Variants in DENND1B observed in about 807,000 individuals in gnomAD.
DENND1B encodes the protein DENN domain containing 1B, also known as DENN domain-containing protein 1B.
DENND1B carries 59 observed loss-of-function variants against 90.1 expected under a neutral mutation model. The ratio of observed to expected loss-of-function variants is 0.65; its 90% CI spans 0.53 to 0.81. The LOEUF (loss-of-function observed/expected upper bound fraction) is 0.81. Among genes scored for constraint, DENND1B ranks in the 40% least tolerant of loss-of-function variants. DENND1B has a pLI of 0.00. For synonymous variants in DENND1B, 337 were observed against 324.6 expected, an observed-to-expected ratio of 1.04 and a Z score of -0.41; for missense variants, 862 against 912.6, an observed-to-expected ratio of 0.94 and a Z score of 0.71.
At chr1:197,770,717 TATATCTATAA>T (rs1267559456) in intron 2 of DENND1B, among the ~76,000 whole-genome samples, 4 of 142,754 alleles carry the variant, frequency 2.8e-5, no homozygotes, top group South Asian at 2.1e-4. Flanking sequence ...TATATAAATA[TATATCTATAA>T]ATATATATAA....
intron 2 of DENND1B, among the ~76,000 whole-genome samples, chr1:197,757,918 C>G (rs1213849233): frequency 6.6e-6 from 1 of 152,154 alleles, no homozygotes; most frequent in Non-Finnish European, 1.5e-5. Flanking sequence ...TTAATTTTAG[C>G]TCATCATCAT....
chr1:197,646,965 G>A (rs1339655918), intron 8 of DENND1B, 90 bp downstream of exon 8: 1 of 916,278 alleles, frequency 1.1e-6, no homozygotes, highest in South Asian at 1.9e-5. Flanking sequence ...TTCCCAAAGG[G>A]CTGGAGTGAA....
intron 20 of DENND1B, among the ~76,000 whole-genome samples, chr1:197,515,650 T>A (rs979856048): frequency 6.6e-6 from 1 of 151,794 alleles, no homozygotes; most frequent in Non-Finnish European, 1.5e-5. Flanking sequence ...GAAGATTAGA[T>A]AATACATACT....
upstream of DENND1B, among the ~76,000 whole-genome samples, chr1:197,777,872 T>C (rs1255134115): frequency 6.6e-6 from 1 of 152,176 alleles, no homozygotes; most frequent in Non-Finnish European, 1.5e-5. Flanking sequence ...AAAGAATATA[T>C]ATTCTGCAGC....
At chr1:197,561,016 A>C (rs1437580171) in intron 15 of DENND1B, among the ~76,000 whole-genome samples, 1 of 151,946 alleles carries the variant, frequency 6.6e-6, no homozygotes, top group Non-Finnish European at 1.5e-5. Context: ...GTGCTCTTGC[A>C]AAGACTAACT....
chr1:197,760,682 C>A (rs1654934008), intron 2 of DENND1B, among the ~76,000 whole-genome samples: 1 of 151,452 alleles, frequency 6.6e-6, no homozygotes, highest in African/African-American at 2.4e-5. Context: ...TTTTATAATC[C>A]CCCAAGAAGA....
chr1:197,645,469 T>A (rs943671017), intron 9 of DENND1B, among the ~76,000 whole-genome samples: 2 of 151,910 alleles, frequency 1.3e-5, no homozygotes, highest in Non-Finnish European at 2.9e-5. Flanking sequence ...TGTCCTTAAT[T>A]TTCCTTATCC....
At chr1:197,754,679 A>AAAAAC (rs1355924144) in intron 2 of DENND1B, among the ~76,000 whole-genome samples, 1 of 150,822 alleles carries the variant, frequency 6.6e-6, no homozygotes, top group Non-Finnish European at 1.5e-5. Flanking sequence ...AAAAAAAAAA[A>AAAAAC]AAAAAAAAAC....
At chr1:197,539,216 G>A (rs1284625972) in intron 20 of DENND1B, among the ~76,000 whole-genome samples, 1 of 152,148 alleles carries the variant, frequency 6.6e-6, no homozygotes, top group African/African-American at 2.4e-5. Flanking sequence ...GGCAAGTGTT[G>A]TGACCATTCT....
intron 20 of DENND1B, among the ~76,000 whole-genome samples, chr1:197,529,242 A>ATATG (rs1553277550): frequency 5.8e-3 from 63 of 10,824 alleles, no homozygotes; most frequent in African/African-American, 0.01. Context: ...ATATATATAT[A>ATATG]TGTGTGTGTG....
intron 6 of DENND1B, among the ~76,000 whole-genome samples, chr1:197,654,461 T>C (rs1249132443): frequency 6.6e-6 from 1 of 151,934 alleles, no homozygotes; most frequent in African/African-American, 2.4e-5. Flanking sequence ...AATATAAAAA[T>C]TATCCAGGCG....
At chr1:197,515,291 A>G (rs905908420) in intron 20 of DENND1B, among the ~76,000 whole-genome samples, 11 of 151,734 alleles carry the variant, frequency 7.2e-5, no homozygotes, top group African/African-American at 2.2e-4. Flanking sequence ...CTAACTGTCT[A>G]AAACTGGGGC....
chr1:197,510,464 G>A lies in DENND1B; in HGVS notation c.2324C>T (p.Thr775Ile), dbSNP rs1183490338. 3 of 1,600,248 alleles carry A rather than the reference G, an allele frequency of 1.9e-6. No individual in the cohort carries two copies. The highest frequency in any genetic ancestry group is 2.6e-6 in the Non-Finnish European group (3 of 1,172,506). Reference protein sequence around the residue: ...ISDKNTNGNQT With the variant: ...ISDKNTNGNQI ...ATAGAAGCTTGGATGCAAGATTTAA[G>A]TTTGGTTTCCATTTGTGTTTTTGTC... The change falls in exon 23 of 23, where the codon ACT becomes ATT. Residue 775 changes from threonine (T) to isoleucine (I), a missense_variant. Thr to Ile is a moderately conservative substitution (Grantham distance 89). Coordinates refer to ENST00000620048, the MANE Select transcript of DENND1B (RefSeq NM_001195215.2).
chr1:197,572,374 G>A lies in DENND1B; in HGVS notation c.1149+10778C>T, dbSNP rs191092930. Among the ~76,000 whole-genome samples the A allele has an allele frequency of 1.9e-3, 282 of 152,278 alleles. 2 individuals carry two copies. Among genetic ancestry groups the A allele is most frequent in the African/African-American group, 6.5e-3 (272 of 41,568 alleles). On this transcript the variant is annotated intron_variant, in intron 15 of 22. Coordinates refer to ENST00000620048, the MANE Select transcript of DENND1B (RefSeq NM_001195215.2). ...CAGCCTGGTGAGGAGAGGGGCGTCC[G>A]CCATTGCTGAGGCTTGAGTAGGTAA...
intron 15 of DENND1B, among the ~76,000 whole-genome samples, chr1:197,565,669 G>A (rs1456466363): frequency 2.4e-5 from 3 of 126,088 alleles, no homozygotes; most frequent in Non-Finnish European, 4.7e-5. Flanking sequence ...TCCCCAGAGT[G>A]TGATGTTCCC....
intron 9 of DENND1B, among the ~76,000 whole-genome samples, chr1:197,643,601 T>G (rs977235637): frequency 6.6e-6 from 1 of 152,210 alleles, no homozygotes; most frequent in Non-Finnish European, 1.5e-5. Flanking sequence ...CGACACAGCA[T>G]GCACAACGTA....
chr1:197,721,484 G>A (rs527698806), intron 2 of DENND1B, among the ~76,000 whole-genome samples: 250 of 151,036 alleles, frequency 1.7e-3, no homozygotes, highest in Middle Eastern at 3.4e-3. Flanking sequence ...AGCATTATGC[G>A]TCACATGTTA....
intron 20 of DENND1B, among the ~76,000 whole-genome samples, chr1:197,529,475 G>A (rs1173351814): frequency 7.3e-5 from 11 of 151,444 alleles, no homozygotes. Context: ...TTGTTGTGGT[G>A]ATTTTGCCTT....
At chr1:197,564,269 G>A (rs1408296423) in intron 15 of DENND1B, among the ~76,000 whole-genome samples, 8 of 151,550 alleles carry the variant, frequency 5.3e-5, no homozygotes, top group Non-Finnish European at 7.4e-5. Flanking sequence ...ATGAAGGTAG[G>A]AGTCAATTGA....
Sources: allele counts gnomAD v4.1 joint callset (sites outside exome capture counted in the v4.1 genomes callset), GRCh38; gene constraint gnomAD v4.1.1; transcripts MANE v1.5; gene names NCBI Gene and HGNC (gene_info 2026-07-23, HGNC 2026-07-21).